The following ADGRF3 variants were observed in gnomAD, a reference collection of about 807,000 sequenced individuals.
ADGRF3 encodes the protein G protein-coupled receptor 113.
In ADGRF3, 85 loss-of-function variants were observed where a neutral mutation model predicts 93.2. The observed-to-expected ratio is 0.91, with a 90% CI of 0.77 to 1.09. ADGRF3 has a LOEUF of 1.09. ADGRF3 is among the 50% of genes least tolerant of loss of function. The probability of loss-of-function intolerance (pLI) is 0.00; values close to 1 mark genes in which losing one functional copy is unlikely to be tolerated. For synonymous variants in ADGRF3, 534 were observed against 532.5 expected (o/e 1.00, Z -0.04); for missense variants, 1,125 against 1,246.2 (o/e 0.90, Z 1.46).
chr2:26,311,852 A>T lies in ADGRF3; in HGVS notation c.1672T>A (p.Ser558Thr). The T allele has an allele frequency of 6.2e-7, 1 of 1,613,904 alleles. No individual in the cohort carries two copies. Residue 558 changes from serine (S) to threonine (T), a missense_variant, in exon 10 of 14, where the codon TCC (serine) becomes ACC (threonine). Coordinates refer to ENST00000651242, the MANE Select transcript of ADGRF3 (RefSeq NM_001321971.2). The part of the protein sequence containing the change: ...GPTFPADYSI[S>T]FPTRPPLQAQ... ...TGCAGTGGGGGCCGAGTAGGGAAGGAGATGCTGTAGTCAGCAGGAAACGTG... is the reference window on the plus strand; with the variant it reads ...TGCAGTGGGGGCCGAGTAGGGAAGGTGATGCTGTAGTCAGCAGGAAACGTG...
At position 26,337,407 on chromosome 2, in the gene ADGRF3, T is replaced by C. The variant is rs191042092; in HGVS notation, c.114+8714A>G. Among the ~76,000 whole-genome samples the C allele has an allele frequency of 1.4e-3, 208 of 152,348 alleles. 1 individual carries two copies. The highest frequency in any genetic ancestry group is 4.8e-3 in the African/African-American group (199 of 41,580). On this transcript the variant is annotated intron_variant, in intron 1 of 13. Transcript: ENST00000651242. Reference sequence around the variant, plus strand: ...TATTTTAGGTGTACAATGTGATGTTTTGATATGGAGAACAGTGTGAAATGA... The same window carrying C: ...TATTTTAGGTGTACAATGTGATGTTCTGATATGGAGAACAGTGTGAAATGA...
intron 11 of ADGRF3, 23 bp from the exon 12 acceptor site, chr2:26,310,128 GCT>G: frequency 6.2e-7 from 1 of 1,614,046 alleles, no homozygotes; most frequent in Non-Finnish European, 8.5e-7. Context: ...TAAATGCTCT[GCT>G]TATGCCAGCC....
intron 1 of ADGRF3, among the ~76,000 whole-genome samples, chr2:26,335,793 C>T (rs1421372470): frequency 2.6e-5 from 4 of 152,216 alleles, no homozygotes. Flanking sequence ...CAAAATATGG[C>T]TCCTTATAGG....
Position 26,311,456 on chromosome 2 carries a change from G to A in ADGRF3, c.2068C>T (p.Leu690Phe), listed in dbSNP as rs753954254. The A allele has an allele frequency of 6.5e-5, 105 of 1,614,080 alleles. No individual in the cohort carries two copies. Among genetic ancestry groups the A allele is most frequent in the Non-Finnish European group, 8.9e-5 (105 of 1,179,912 alleles). The change falls in exon 10 of 14, where the codon CTC becomes TTC. Residue 690 changes from leucine (L) to phenylalanine (F), a missense_variant. Coordinates refer to ENST00000651242, the MANE Select transcript of ADGRF3 (RefSeq NM_001321971.2). Reference sequence around the variant, plus strand: ...TCCGGAACAGTGTGTGGGGACATGAGGACGGAGAAGGCAGTGAGGTGCTGG... The same window carrying A: ...TCCGGAACAGTGTGTGGGGACATGAAGACGGAGAAGGCAGTGAGGTGCTGG... ...LCQHLTAFSV[L>F]MSPHTVPEEP... is the part of the protein sequence containing the mutation.
chr2:26,338,816 AG>A, intron 1 of ADGRF3, among the ~76,000 whole-genome samples: 2 of 151,858 alleles, frequency 1.3e-5, no homozygotes, highest in African/African-American at 4.8e-5. Flanking sequence ...TTTGGTACAC[AG>A]TGTTCAATAA....
intron 9 of ADGRF3, among the ~76,000 whole-genome samples, 195 bp downstream of exon 9, chr2:26,312,748 C>A (rs1292090313): frequency 3.3e-5 from 5 of 152,204 alleles, no homozygotes; most frequent in Non-Finnish European, 5.9e-5. Context: ...GTGCTCCCAG[C>A]GCCAGGCCTC....
rs922606595 is a variant in ADGRF3 at position 26,316,560 on chromosome 2, T to C, written c.326-112A>G. On this transcript the variant is annotated intron_variant, in intron 3 of 13. Transcript: ENST00000651242. ...CTTTAGGGCTGGGTATCTGGACCAATCCCCAAGCTACAGGTGCCTCAGTCA... is the reference window on the plus strand; with the variant it reads ...CTTTAGGGCTGGGTATCTGGACCAACCCCCAAGCTACAGGTGCCTCAGTCA... 4.5e-6 allele frequency: 5 copies of C among 1,113,968 alleles called. No individual in the cohort carries two copies. In the African/African-American group the frequency reaches 6.3e-5, roughly 14 times the overall value. 69.0% of individuals were successfully genotyped at this position (1,113,968 alleles called of 1,614,324 possible).
intron 1 of ADGRF3, among the ~76,000 whole-genome samples, chr2:26,319,342 T>C (rs1373664179): frequency 1.3e-5 from 2 of 152,112 alleles, no homozygotes; most frequent in Non-Finnish European, 2.9e-5. Context: ...CAGCAACATG[T>C]CTATAAGCCA....
At chr2:26,316,552 T>G in intron 3 of ADGRF3, 104 bp from the exon 4 acceptor site, 1 of 1,200,038 alleles carries the variant, frequency 8.3e-7, no homozygotes, top group Non-Finnish European at 1.2e-6. Flanking sequence ...GCTGGGTATC[T>G]GGACCAATCC....
intron 5 of ADGRF3, 117 bp downstream of exon 5, chr2:26,315,405 G>T (rs1027969965): frequency 1.8e-6 from 2 of 1,098,092 alleles, no homozygotes; most frequent in Non-Finnish European, 2.6e-6. Flanking sequence ...AGAAAAGAAG[G>T]AAGGAGAAGG....
At chr2:26,331,498 G>A (rs543546387) in intron 1 of ADGRF3, among the ~76,000 whole-genome samples, 51 of 152,260 alleles carry the variant, frequency 3.3e-4, no homozygotes, top group African/African-American at 1.1e-3. Flanking sequence ...GCAGTGAGCC[G>A]AGATTGCACC....
chr2:26,318,207 T>A (rs1674876144), intron 1 of ADGRF3: 9 of 868,518 alleles, frequency 1.0e-5, no homozygotes, highest in Non-Finnish European at 1.6e-5. Context: ...GGGCTCACTG[T>A]GTCACAGACC....
intron 1 of ADGRF3, among the ~76,000 whole-genome samples, chr2:26,341,503 G>A (rs1056833221): frequency 6.6e-6 from 1 of 152,160 alleles, no homozygotes; most frequent in Non-Finnish European, 1.5e-5. Flanking sequence ...ATTATATTGC[G>A]TAGACTTTTT....
intron 13 of ADGRF3, 170 bp from the exon 14 acceptor site, chr2:26,309,277 C>CTGGT: frequency 6.4e-7 from 1 of 1,559,034 alleles, no homozygotes; most frequent in African/African-American, 1.4e-5. Flanking sequence ...AAGTCAAGGA[C>CTGGT]TGGTGGTGGT....
intron 1 of ADGRF3, among the ~76,000 whole-genome samples, chr2:26,338,512 G>C (rs1676178874): frequency 1.3e-5 from 2 of 152,246 alleles, no homozygotes; most frequent in South Asian, 4.1e-4. Context: ...GCCCAGGCTG[G>C]AGTGCAATGG....
intron 1 of ADGRF3, among the ~76,000 whole-genome samples, chr2:26,319,320 C>T (rs1420933683): frequency 6.6e-6 from 1 of 152,084 alleles, no homozygotes; most frequent in Non-Finnish European, 1.5e-5. Flanking sequence ...CTTAGGGGTT[C>T]GAAGTCACAA....
chr2:26,338,208 A>G (rs759504870), intron 1 of ADGRF3, among the ~76,000 whole-genome samples: 1 of 152,122 alleles, frequency 6.6e-6, no homozygotes, highest in Non-Finnish European at 1.5e-5. Context: ...GGTAGACAGG[A>G]GGATGAAAAA....
At chr2:26,326,387 T>G (rs1675435340) in intron 1 of ADGRF3, among the ~76,000 whole-genome samples, 1 of 152,184 alleles carries the variant, frequency 6.6e-6, no homozygotes, top group Non-Finnish European at 1.5e-5. Context: ...AGTCACTTTT[T>G]GCTTTGGTGA....
intron 1 of ADGRF3, chr2:26,319,043 A>C: frequency 6.5e-7 from 1 of 1,550,286 alleles, no homozygotes; most frequent in Non-Finnish European, 8.7e-7. Context: ...GCAGCCGAAC[A>C]GACCATGGCT....
Sources: allele counts gnomAD v4.1 joint callset (sites outside exome capture counted in the v4.1 genomes callset), GRCh38; gene constraint gnomAD v4.1.1; transcripts MANE v1.5; gene names NCBI Gene and HGNC (gene_info 2026-07-23, HGNC 2026-07-21).